The following LAMB1 variants were observed in gnomAD, a reference collection of about 807,000 sequenced individuals.
The protein encoded by LAMB1 is laminin subunit beta 1.
LAMB1 carries 121 observed loss-of-function variants against 222.3 expected under a neutral mutation model. The observed-to-expected ratio is 0.54, with a 90% CI of 0.47 to 0.63. The LOEUF is 0.63. Among genes scored for constraint, LAMB1 ranks in the 30% least tolerant of loss-of-function variants. LAMB1 has a pLI of 0.00. For synonymous variants in LAMB1, 794 were observed against 807.2 expected (o/e 0.98, Z 0.28); for missense variants, 2,172 against 2,240.8 (o/e 0.97, Z 0.62).
rs2032652386 is a variant in LAMB1 at position 107,929,433 on chromosome 7, A to G, written c.4724T>C (p.Leu1575Ser). 1 of 1,614,080 alleles carries G rather than the reference A, an allele frequency of 6.2e-7. No homozygotes were observed. The highest frequency in any genetic ancestry group is 8.5e-7 in the Non-Finnish European group (1 of 1,179,966). Residue 1575 changes from leucine (L) to serine (S), a missense_variant, in exon 30 of 34, where the codon TTA becomes TCA. By Grantham distance (145) the Leu-to-Ser change is moderately radical. Transcript: ENST00000222399. Reference sequence around the variant, plus strand: ...ATACCTTGCTCTTTTAGCTTCTTCTAACAACATCTCAGCTCTGGCAATGTC... The same window carrying G: ...ATACCTTGCTCTTTTAGCTTCTTCTGACAACATCTCAGCTCTGGCAATGTC... ...AADIARAEML[L>S]EEAKRASKSA...
chr7:107,939,761 A>G (rs2032935822), intron 25 of LAMB1, among the ~76,000 whole-genome samples: 1 of 152,166 alleles, frequency 6.6e-6, no homozygotes, highest in Non-Finnish European at 1.5e-5. Context: ...TAATGCTTGC[A>G]TATTCTGTAC....
intron 13 of LAMB1, among the ~76,000 whole-genome samples, chr7:107,970,605 T>C (rs2150435751): frequency 6.6e-6 from 1 of 152,298 alleles, no homozygotes; most frequent in South Asian, 2.1e-4. Context: ...TCAATGTTAT[T>C]AAACATTTAC....
chr7:107,923,873 T>C lies in LAMB1; in HGVS notation c.*78A>G. On this transcript the variant is annotated 3_prime_UTR_variant, in exon 34 of 34. Coordinates refer to ENST00000222399, the MANE Select transcript of LAMB1 (RefSeq NM_002291.3). ...AAAACATTAAATAGGTGATGTTTTA[T>C]TTTGAAGAGCATTAAGTCAGTTTTT... The C allele has an allele frequency of 1.5e-6, 2 of 1,302,362 alleles. No homozygotes were observed. The highest frequency in any genetic ancestry group is 2.1e-6 in the Non-Finnish European group (2 of 936,850). The allele number at this position is 1,302,362 out of a possible 1,614,324, so 80.7% of individuals were successfully genotyped here.
At chr7:107,998,260 A>G in intron 4 of LAMB1, 97 bp downstream of exon 4, 1 of 1,224,226 alleles carries the variant, frequency 8.2e-7, no homozygotes, top group Non-Finnish European at 1.2e-6. Context: ...TACAGGACAG[A>G]GAAGTGAATC....
chr7:107,971,473 G>A (rs958477981), intron 13 of LAMB1, among the ~76,000 whole-genome samples: 13 of 152,192 alleles, frequency 8.5e-5, no homozygotes, highest in Non-Finnish European at 1.5e-5. Flanking sequence ...TGCCTAAGGG[G>A]CTCCTGGGGA....
At chr7:107,938,716 G>A (rs1024694737) in intron 25 of LAMB1, among the ~76,000 whole-genome samples, 1 of 152,128 alleles carries the variant, frequency 6.6e-6, no homozygotes, top group Non-Finnish European at 1.5e-5. Context: ...ACCACGGCCT[G>A]CCAAAACTGT....
In LAMB1 at chr7:108,003,146, C is replaced by T; in HGVS notation, c.-122G>A. 1 of 635,876 alleles carries T rather than the reference C, an allele frequency of 1.6e-6. No homozygotes were observed. The highest frequency in any genetic ancestry group is 2.5e-5 in the South Asian group (1 of 40,636). 39.4% of individuals were successfully genotyped at this position (635,876 alleles called of 1,614,324 possible). ...GAGCTCTCGCCCTGCTCCGGGAGCC[C>T]CCGAGCCCAAAGAAGGGAATTAGAA... On this transcript the variant is annotated 5_prime_UTR_variant, in exon 1 of 34. Transcript: ENST00000222399.
At chr7:107,979,882 T>A (rs1449371937) in intron 8 of LAMB1, among the ~76,000 whole-genome samples, 1 of 152,202 alleles carries the variant, frequency 6.6e-6, no homozygotes, top group Non-Finnish European at 1.5e-5. Flanking sequence ...GAGATCAGCC[T>A]GACCAATATG....
chr7:107,991,052 C>T (rs768908324), intron 5 of LAMB1, among the ~76,000 whole-genome samples: 2 of 152,140 alleles, frequency 1.3e-5, no homozygotes, highest in Non-Finnish European at 2.9e-5. Context: ...ATTTTCTTGT[C>T]AATGGTTCCC....
In LAMB1 at chr7:107,951,050, G is replaced by T. The variant is rs1231720570; in HGVS notation, c.3391+176C>A. The T allele has an allele frequency of 5.2e-6, 3 of 581,760 alleles. No individual in the cohort carries two copies. In the African/African-American group the frequency reaches 5.7e-5, roughly 11 times the overall value. The allele number at this position is 581,760 out of a possible 1,614,324, so 36.0% of individuals were successfully genotyped here. On this transcript the variant is annotated intron_variant, in intron 24 of 33. Transcript: ENST00000222399. ...TTGACTACCTATACTTATGGGCAGG[G>T]CTAGATTTGTTAGATTGTTTTTTAA... is the stretch of plus-strand genomic sequence containing the variant.
rs185943619 is a variant in LAMB1 at position 107,932,389 on chromosome 7, C to G, written c.4189-12G>C. 4 of 1,613,774 alleles carry G rather than the reference C, an allele frequency of 2.5e-6. No individual in the cohort carries two copies. On this transcript the variant is annotated splice_polypyrimidine_tract_variant and intron_variant, in intron 27 of 33. Transcript: ENST00000222399. ...GGTGTTCCACAGGTCTGCAACAAGC[C>G]AAGGATCAGGCACAATACTTCGGAT...
chr7:107,932,727 AGTTT>A, intron 27 of LAMB1: 1 of 280,000 alleles, frequency 3.6e-6, no homozygotes, highest in Non-Finnish European at 6.8e-6. Context: ...AACCAGTTAG[AGTTT>A]AAAAAAAAAA....
chr7:107,960,015 T>C (rs985175829), intron 18 of LAMB1, among the ~76,000 whole-genome samples, 181 bp from the exon 19 acceptor site: 12 of 152,350 alleles, frequency 7.9e-5, no homozygotes, highest in Admixed American at 5.9e-4. Context: ...ACAGTTTTTC[T>C]AGGCAGGAGG....
At chr7:107,979,164 T>TA (rs1424084358) in intron 8 of LAMB1, among the ~76,000 whole-genome samples, 3 of 152,228 alleles carry the variant, frequency 2.0e-5, no homozygotes, top group Admixed American at 1.3e-4. Context: ...GCTGATTTGT[T>TA]ATGCCGTAAA....
At position 107,929,701 on chromosome 7, in the gene LAMB1, A is replaced by G. The variant is rs139200562; in HGVS notation, c.4538-82T>C. On this transcript the variant is annotated intron_variant, in intron 29 of 33. Coordinates refer to ENST00000222399, the MANE Select transcript of LAMB1 (RefSeq NM_002291.3). ...TTCAACCACTTACTGGTCATCTACT[A>G]TGGACTAGCATGGTGGGGTTACACA... 93 of 1,043,116 alleles carry G rather than the reference A, an allele frequency of 8.9e-5. 1 individual carries two copies. In the East Asian group the frequency reaches 2.0e-3, roughly 23 times the overall value. The allele number at this position is 1,043,116 out of a possible 1,614,324, so 64.6% of individuals were successfully genotyped here.
In LAMB1 at chr7:108,001,566, GGC is replaced by G. The variant is rs2150458323; in HGVS notation, c.203_204del (p.Ser68ThrfsTer19). 6.3e-7 allele frequency: 1 copy of G among 1,598,656 alleles called. No individual in the cohort carries two copies. Among genetic ancestry groups the G allele is most frequent in the East Asian group, 2.3e-5 (1 of 44,392 alleles). ...LHKPEPYCIV[S>X]HLQEDKKCFI... ...CCGCTCTCAGCCCTCACCTGCAAGT[GGC>G]TGACGATACAGTAGGGTTCGGGCTT... On this transcript the variant is annotated frameshift_variant, in exon 3 of 34. Transcript: ENST00000222399. LOFTEE classifies it high-confidence loss of function.
In LAMB1 at chr7:107,993,278, C is replaced by T. The variant is rs558732897; in HGVS notation, c.423+1609G>A. 1.1e-4 allele frequency among the ~76,000 whole-genome samples: 17 copies of T among 152,220 alleles called. No homozygotes were observed. The East Asian group carries it at 1.9e-3, about 17-fold the overall frequency. On this transcript the variant is annotated intron_variant, in intron 5 of 33. Transcript: ENST00000222399. ...CCTCCCAAGTAGCTGGGACTACAGGCGCGTGCCACCACGCCTGGCTAATTT... is the reference window on the plus strand; with the variant it reads ...CCTCCCAAGTAGCTGGGACTACAGGTGCGTGCCACCACGCCTGGCTAATTT...
chr7:107,957,667 CT>C (rs2150425912), intron 20 of LAMB1, among the ~76,000 whole-genome samples: 1 of 152,290 alleles, frequency 6.6e-6, no homozygotes, highest in South Asian at 2.1e-4. Flanking sequence ...TTTCTCAAGT[CT>C]TTTGGAGGCA....
intron 8 of LAMB1, 107 bp downstream of exon 8, chr7:107,980,502 A>C: frequency 1.1e-6 from 1 of 911,176 alleles, no homozygotes; most frequent in South Asian, 1.5e-5. Context: ...TAACTCTGTA[A>C]AACTAAAACC....
Sources: allele counts gnomAD v4.1 joint callset (sites outside exome capture counted in the v4.1 genomes callset), GRCh38; gene constraint gnomAD v4.1.1; transcripts MANE v1.5; gene names NCBI Gene and HGNC (gene_info 2026-07-23, HGNC 2026-07-21).